The following PLA2G4F variants were observed in gnomAD, a reference collection of about 807,000 sequenced individuals.
PLA2G4F encodes phospholipase A2 group IVF.
In PLA2G4F, 105 loss-of-function variants were observed where a neutral mutation model predicts 103.1. The observed-to-expected ratio is 1.02, with a 90% confidence interval of 0.87 to 1.20. PLA2G4F has a LOEUF of 1.20. PLA2G4F is among the 50% of genes most tolerant of loss of function. PLA2G4F has a pLI of 0.00. For missense variants in PLA2G4F, 1,155 were observed against 1,075.9 expected (o/e 1.07, Z -1.03); for synonymous variants, 468 against 441.1 (o/e 1.06, Z -0.76).
intron 18 of PLA2G4F, among the ~76,000 whole-genome samples, chr15:42,143,313 T>C (rs1459872421): frequency 6.6e-6 from 1 of 151,532 alleles, no homozygotes; most frequent in Non-Finnish European, 1.5e-5. Flanking sequence ...GGAACCACCA[T>C]GGTCTTCCCT....
intron 6 of PLA2G4F, 40 bp downstream of exon 6, chr15:42,153,260 C>T (rs1002561383): frequency 3.8e-6 from 6 of 1,598,506 alleles, no homozygotes; most frequent in Non-Finnish European, 4.3e-6. Context: ...CTCACTGCCC[C>T]CCAGCCCAGA....
chr15:42,153,228 T>C, intron 6 of PLA2G4F, 72 bp downstream of exon 6: 5 of 1,500,976 alleles, frequency 3.3e-6, no homozygotes, highest in Non-Finnish European at 4.5e-6. Context: ...CAACTGGGCC[T>C]GATGGGCCCT....
At chr15:42,149,636 C>T in intron 11 of PLA2G4F, 77 bp downstream of exon 11, 1 of 1,579,232 alleles carries the variant, frequency 6.3e-7, no homozygotes, top group Non-Finnish European at 8.6e-7. Context: ...CCCTCTTAGC[C>T]ATGCTGGTCC....
rs2048890905 is a variant in PLA2G4F at position 42,146,815 on chromosome 15, GAAC to G, written c.1419+306_1419+308del. 1.7e-5 allele frequency: 5 copies of G among 302,900 alleles called. No homozygotes were observed. The South Asian group carries it at 2.4e-4, about 15-fold the overall frequency. 18.8% of individuals were successfully genotyped at this position (302,900 alleles called of 1,614,324 possible). A position where few individuals can be genotyped will look rare whatever the true frequency, so the allele number is the denominator to read the frequency against. Reference sequence around the variant, plus strand: ...TGAAATCACTTTCAAAACATCCTGAGAACAACTAAAATCACTCTCTCTGGAAGG... The same window carrying G: ...TGAAATCACTTTCAAAACATCCTGAGAACTAAAATCACTCTCTCTGGAAGG... On this transcript the variant is annotated intron_variant, in intron 13 of 19. Coordinates refer to ENST00000397272, the MANE Select transcript of PLA2G4F (RefSeq NM_213600.4).
At chr15:42,147,521 G>C (rs1344792249) in intron 12 of PLA2G4F, 105 bp downstream of exon 12, 2 of 1,441,464 alleles carry the variant, frequency 1.4e-6, no homozygotes, top group African/African-American at 2.8e-5. Context: ...TAACACCCTG[G>C]GAGGCAGGAT....
chr15:42,148,223 T>C (rs1236539233), intron 11 of PLA2G4F, among the ~76,000 whole-genome samples: 1 of 151,042 alleles, frequency 6.6e-6, no homozygotes, highest in Admixed American at 6.6e-5. Context: ...TTTCCAGATG[T>C]TGAAACTGAG....
At chr15:42,150,806 C>T (rs764425085) in intron 7 of PLA2G4F, 29 bp from the exon 8 acceptor site, 2 of 1,593,592 alleles carry the variant, frequency 1.3e-6, no homozygotes, top group Non-Finnish European at 8.5e-7. Flanking sequence ...GGTGGGTGCG[C>T]AGGTGAGGGG....
chr15:42,141,853 G>T lies in PLA2G4F; in HGVS notation c.*131C>A. On this transcript the variant is annotated 3_prime_UTR_variant, in exon 20 of 20. Coordinates refer to ENST00000397272, the MANE Select transcript of PLA2G4F (RefSeq NM_213600.4). Reference sequence around the variant, plus strand: ...CTGCAAGAGCTTTCCGGGGCCTGGGGCACCTCGAGGCAGGTCCTGGAGAGA... The same window carrying T: ...CTGCAAGAGCTTTCCGGGGCCTGGGTCACCTCGAGGCAGGTCCTGGAGAGA... 1.1e-6 allele frequency: 1 copy of T among 923,646 alleles called. No individual in the cohort carries two copies. The highest frequency in any genetic ancestry group is 1.6e-6 in the Non-Finnish European group (1 of 616,756). The allele number at this position is 923,646 out of a possible 1,614,324, so 57.2% of individuals were successfully genotyped here.
chr15:42,147,949 G>A lies in PLA2G4F; in HGVS notation c.1060-187C>T, dbSNP rs144617619. ...CTCACGCCTGTAATCCCAGCACTTC[G>A]GGAGGCCGAGGCGGGCGGATCATGA... On this transcript the variant is annotated intron_variant, in intron 11 of 19. Coordinates refer to ENST00000397272, the MANE Select transcript of PLA2G4F (RefSeq NM_213600.4). 1,649 of 484,670 alleles carry A rather than the reference G, an allele frequency of 3.4e-3. 18 individuals carry two copies. Among genetic ancestry groups the A allele is most frequent in the African/African-American group, 0.031 (1,471 of 47,200 alleles). 30.0% of individuals were successfully genotyped at this position (484,670 alleles called of 1,614,324 possible). A position where few individuals can be genotyped will look rare whatever the true frequency, so the allele number is the denominator to read the frequency against.
At chr15:42,145,472 GAC>G in intron 16 of PLA2G4F, 101 bp downstream of exon 16, 1 of 1,194,416 alleles carries the variant, frequency 8.4e-7, no homozygotes. Flanking sequence ...AATCCAGTGG[GAC>G]AGCCAAGTCC....
intron 17 of PLA2G4F, 56 bp from the exon 18 acceptor site, chr15:42,144,200 C>T: frequency 6.5e-7 from 1 of 1,533,562 alleles, no homozygotes; most frequent in Non-Finnish European, 8.8e-7. Flanking sequence ...TTGCTAGCAA[C>T]CGCTTCTGTA....
intron 10 of PLA2G4F, 98 bp downstream of exon 10, chr15:42,150,006 G>A (rs1595621992): frequency 1.1e-5 from 17 of 1,570,402 alleles, no homozygotes; most frequent in Non-Finnish European, 1.5e-5. Context: ...CCCACCCCAC[G>A]GCCTGAGCTT....
intron 4 of PLA2G4F, 138 bp from the exon 5 acceptor site, chr15:42,153,798 G>A (rs986844469): frequency 2.1e-6 from 2 of 938,776 alleles, no homozygotes; most frequent in East Asian, 2.5e-5. Context: ...CATAGGAGGG[G>A]CAGTGGTATC....
rs149948316 is a variant in PLA2G4F, at chr15:42,145,783, C to T, written c.1655G>A (p.Arg552Gln). ...CGACTCACCTTGCAGGTAACAGATC[C>T]GGGGTTCAGGCTGGAGCTGCAGCAA... is the stretch of plus-strand genomic sequence containing the variant. ...GRLLQLQPEP[R>Q]ICYLQGMWGS... Residue 552 changes from arginine to glutamine, a missense_variant, in exon 15 of 20, where the codon CGG becomes CAG. By Grantham distance (43) the Arg-to-Gln change is conservative. This residue lies in a region of PLA2G4F where 782 missense variants were observed against 692.9 expected (regional missense o/e 1.13). Transcript: ENST00000397272. 7.5e-5 allele frequency: 121 copies of T among 1,613,996 alleles called. No individual in the cohort carries two copies. The highest frequency in any genetic ancestry group is 9.2e-5 in the Non-Finnish European group (108 of 1,180,038).
At chr15:42,154,759 G>A (rs987108850) in intron 2 of PLA2G4F, among the ~76,000 whole-genome samples, 1 of 152,142 alleles carries the variant, frequency 6.6e-6, no homozygotes, top group African/African-American at 2.4e-5. Context: ...CCCTGTGTGG[G>A]CACTGGCATG....
chr15:42,147,966 G>A (rs183943459), intron 11 of PLA2G4F: 14 of 322,748 alleles, frequency 4.3e-5, no homozygotes, highest in Admixed American at 1.3e-4. Flanking sequence ...CGAGGCGGGC[G>A]GATCATGAGG....
intron 10 of PLA2G4F, 85 bp from the exon 11 acceptor site, chr15:42,149,933 C>T: frequency 2.6e-6 from 4 of 1,555,970 alleles, no homozygotes; most frequent in South Asian, 2.2e-5. Flanking sequence ...CCAGGTCTTT[C>T]ACAGGAGCAG....
At position 42,143,967 on chromosome 15, in the gene PLA2G4F, T is replaced by C. The variant is rs769590768; in HGVS notation, c.2142+11A>G. Reference sequence around the variant, plus strand: ...TGCAGGTGCTCCCCACATCCCTGCCTCCCAGCTCACCTCAAAAGGGGCTTC... The same window carrying C: ...TGCAGGTGCTCCCCACATCCCTGCCCCCCAGCTCACCTCAAAAGGGGCTTC... On this transcript the variant is annotated intron_variant, in intron 18 of 19. Transcript: ENST00000397272. 4 of 1,590,816 alleles carry C rather than the reference T, an allele frequency of 2.5e-6. No individual in the cohort carries two copies. The highest frequency in any genetic ancestry group is 3.4e-6 in the Non-Finnish European group (4 of 1,165,984).
chr15:42,147,525 G>T, intron 12 of PLA2G4F, 101 bp downstream of exon 12: 1 of 1,458,920 alleles, frequency 6.9e-7, no homozygotes, highest in Non-Finnish European at 9.4e-7. Flanking sequence ...ACCCTGGGAG[G>T]CAGGATCCCA....
Sources: gnomAD v4.1 joint callset for allele counts (sites outside exome capture counted in the v4.1 genomes callset) on GRCh38, gnomAD v4.1.1 for gene constraint, gnomAD v4.1.1 regional missense constraint, MANE v1.5 for transcripts, NCBI Gene and HGNC (gene_info 2026-07-23, HGNC 2026-07-21) for gene names.